CDK10: variants seen among roughly 807,000 people sequenced by gnomAD.
CDK10 encodes the protein cyclin dependent kinase 10, also known as cyclin-dependent kinase 10.
Under a neutral mutation model 51.0 loss-of-function variants are expected in CDK10, and 55 were observed. The ratio of observed to expected loss-of-function variants is 1.08; its 90% CI spans 0.87 to 1.35. The LOEUF is 1.35. CDK10 is among the 40% of genes most tolerant of loss of function. The pLI, the probability that CDK10 is intolerant of heterozygous loss-of-function variation, is 0.00. For synonymous variants in CDK10, 255 were observed against 199.1 expected, an observed-to-expected ratio of 1.28 and a Z score of -2.36; for missense variants, 589 against 485.1, an observed-to-expected ratio of 1.21 and a Z score of -2.01.
intron 5 of CDK10, chr16:89,692,114 G>A: frequency 1.7e-6 from 1 of 593,108 alleles, no homozygotes; most frequent in South Asian, 2.0e-5. Context: ...TGGTTTCCTG[G>A]GCTGTTGGGA....
intron 1 of CDK10, among the ~76,000 whole-genome samples, chr16:89,688,489 C>G (rs951898616): frequency 2.6e-5 from 4 of 152,184 alleles, no homozygotes; most frequent in Non-Finnish European, 4.4e-5. Flanking sequence ...CCCTAACATT[C>G]TGGAGAGAAG....
At chr16:89,690,438 G>T (rs2060392407) in intron 2 of CDK10, 115 bp from the exon 3 acceptor site, 1 of 819,294 alleles carries the variant, frequency 1.2e-6, no homozygotes, top group Non-Finnish European at 2.1e-6. Flanking sequence ...TGGGCATGAG[G>T]TTGTCAGAGG....
At position 89,693,748 on chromosome 16, in the gene CDK10, G is replaced by A. The variant is rs1246941743; in HGVS notation, c.608+281G>A. Reference sequence around the variant, plus strand: ...GTGGCCGTGAAACCATCTCTGGAGGGAAGGCTGCTTCACGGACTGAAGGAC... The same window carrying A: ...GTGGCCGTGAAACCATCTCTGGAGGAAAGGCTGCTTCACGGACTGAAGGAC... On this transcript the variant is annotated intron_variant, in intron 8 of 12. Coordinates refer to ENST00000353379, the MANE Select transcript of CDK10 (RefSeq NM_052988.5). The A allele has an allele frequency of 1.1e-5, 6 of 565,000 alleles. No homozygotes were observed. The East Asian group carries it at 1.2e-4, about 11-fold the overall frequency. The allele number at this position is 565,000 out of a possible 1,614,324, so 35.0% of individuals were successfully genotyped here. A position where few individuals can be genotyped will look rare whatever the true frequency, so the allele number is the denominator to read the frequency against.
At position 89,694,693 on chromosome 16, in the gene CDK10, C is replaced by G. The variant is rs1487755325; in HGVS notation, c.697C>G (p.Leu233Val). ...TGTGGGCTGCATACTGGCCGAGCTG[C>G]TGGCGCACAGGCCTCTTCTCCCCGG... The part of the protein sequence containing the change: ...WAVGCILAEL[L>V]AHRPLLPGTS... Residue 233 changes from leucine to valine, a missense_variant, in exon 10 of 13, where the codon CTG becomes GTG. Leu to Val is a conservative substitution (Grantham distance 32, BLOSUM62 1). Coordinates refer to ENST00000353379, the MANE Select transcript of CDK10 (RefSeq NM_052988.5). 2 of 1,588,878 alleles carry G rather than the reference C, an allele frequency of 1.3e-6. No homozygotes were observed. Among genetic ancestry groups the G allele is most frequent in the Admixed American group, 1.8e-5 (1 of 56,840 alleles).
intron 1 of CDK10, among the ~76,000 whole-genome samples, chr16:89,688,377 C>T (rs1012188169): frequency 3.9e-5 from 6 of 152,152 alleles, no homozygotes; most frequent in South Asian, 4.1e-4. Context: ...CCACTGCGCC[C>T]GGCTTACATG....
At chr16:89,687,604 C>T (rs1353928914) in intron 1 of CDK10, 6 of 445,028 alleles carry the variant, frequency 1.3e-5, no homozygotes, top group African/African-American at 1.0e-4. Context: ...AGCGCTCTCG[C>T]CCAGGCTGGA....
Position 89,693,474 on chromosome 16 carries a change from C to G in CDK10, c.608+7C>G. On this transcript the variant is annotated splice_region_variant and intron_variant, in intron 8 of 12. Transcript: ENST00000353379. ...CCAAGGTGGTCACTCTCTGGTAAGT[C>G]CTTCTGAAGCATGGTGGCCCCTGGG... The G allele has an allele frequency of 1.2e-6, 2 of 1,613,878 alleles. No homozygotes were observed. Among genetic ancestry groups the G allele is most frequent in the Middle Eastern group, 1.7e-4 (1 of 5,994 alleles).
At chr16:89,692,154 G>A in intron 5 of CDK10, 1 of 574,498 alleles carries the variant, frequency 1.7e-6, no homozygotes, top group Non-Finnish European at 3.1e-6. Flanking sequence ...AGAGCCTTCT[G>A]AGGGCACTGG....
intron 11 of CDK10, 61 bp from the exon 12 acceptor site, chr16:89,695,232 C>G: frequency 6.4e-7 from 1 of 1,562,876 alleles, no homozygotes; most frequent in East Asian, 2.3e-5. Flanking sequence ...GGCTGCTCAG[C>G]TGGGTGGGAG....
chr16:89,695,531 A>ACCTGGGC (rs1356016286), intron 12 of CDK10, 64 bp from the exon 13 acceptor site: 1 of 1,547,348 alleles, frequency 6.5e-7, no homozygotes, highest in Non-Finnish European at 8.8e-7. Context: ...CTGGACTCAG[A>ACCTGGGC]CCTGGGCCTG....
Position 89,692,043 on chromosome 16 carries a change from C to T in CDK10, c.417+156C>T, listed in dbSNP as rs892874554. 14 of 660,040 alleles carry T rather than the reference C, an allele frequency of 2.1e-5. No individual in the cohort carries two copies. In the Admixed American group the frequency reaches 3.0e-4, roughly 14 times the overall value. 40.9% of individuals were successfully genotyped at this position (660,040 alleles called of 1,614,324 possible). The stretch of plus-strand genomic sequence containing the variant: ...AGCGAGCTTCAGTGAGGTGGAATTC[C>T]TGTGGTGGGGGCATCTGCTGGGAGC... On this transcript the variant is annotated intron_variant, in intron 5 of 12. Coordinates refer to ENST00000353379, the MANE Select transcript of CDK10 (RefSeq NM_052988.5).
intron 1 of CDK10, among the ~76,000 whole-genome samples, chr16:89,688,059 C>T (rs1213521862): frequency 1.4e-5 from 2 of 142,812 alleles, no homozygotes; most frequent in Non-Finnish European, 3.0e-5. Context: ...TGTGAGGTTT[C>T]AAACCTTGCT....
chr16:89,691,962 G>T, intron 5 of CDK10, 75 bp downstream of exon 5: 1 of 1,243,248 alleles, frequency 8.0e-7, no homozygotes, highest in Non-Finnish European at 1.2e-6. Flanking sequence ...AACGAAACAG[G>T]GCACTTGGGG....
chr16:89,695,283 C>A lies in CDK10; in HGVS notation c.933-10C>A. 6.2e-7 allele frequency: 1 copy of A among 1,607,572 alleles called. No homozygotes were observed. Among genetic ancestry groups the A allele is most frequent in the South Asian group, 1.1e-5 (1 of 90,786 alleles). On this transcript the variant is annotated splice_polypyrimidine_tract_variant and intron_variant, in intron 11 of 12. Transcript: ENST00000353379. Reference sequence around the variant, plus strand: ...TCACAAGTCGCACTAACGCAGGCTGCCTCCTCCAGGGCGACGGCCGGGGAC... The same window carrying A: ...TCACAAGTCGCACTAACGCAGGCTGACTCCTCCAGGGCGACGGCCGGGGAC...
chr16:89,690,324 A>G (rs941813505), intron 2 of CDK10: 7 of 575,816 alleles, frequency 1.2e-5, no homozygotes, highest in Middle Eastern at 4.7e-4. Context: ...AGGGTCCAGC[A>G]CAGAGCAAAG....
chr16:89,686,743 C>T lies in CDK10; in HGVS notation c.33C>T (p.Ile11=), dbSNP rs780712675. 1.9e-6 allele frequency: 3 copies of T among 1,611,964 alleles called. No homozygotes were observed. Among genetic ancestry groups the T allele is most frequent in the Non-Finnish European group, 2.5e-6 (3 of 1,178,962 alleles). MAEPDLECEQ[I]RLKCIRKEGF... ...AGCCAGATCTGGAGTGCGAGCAGAT[C>T]CGTCTGAAGTGTATTCGTAAGGAGG... is the stretch of plus-strand genomic sequence containing the variant. Residue 11 remains isoleucine, a synonymous_variant, in exon 1 of 13, where the codon ATC becomes ATT. Transcript: ENST00000353379.
rs2060200404 is a variant in CDK10 at position 89,686,724 on chromosome 16, A to ATCTGGAGTGCGAGCAGATCCG, written c.19_39dup (p.Glu7_Leu13dup). On this transcript the variant is annotated inframe_insertion, in exon 1 of 13. Coordinates refer to ENST00000353379, the MANE Select transcript of CDK10 (RefSeq NM_052988.5). ...CCAGCGCTCGGCATGGCGGAGCCAG[A>ATCTGGAGTGCGAGCAGATCCG]TCTGGAGTGCGAGCAGATCCGTCTG... is the stretch of plus-strand genomic sequence containing the variant. 3 of 1,607,750 alleles carry ATCTGGAGTGCGAGCAGATCCG rather than the reference A, an allele frequency of 1.9e-6. No individual in the cohort carries two copies. Among genetic ancestry groups the ATCTGGAGTGCGAGCAGATCCG allele is most frequent in the African/African-American group, 2.7e-5 (2 of 74,724 alleles).
rs750444758 is a variant in CDK10, at chr16:89,695,339, C to T, written c.979C>T (p.Pro327Ser). The change falls in exon 12 of 13, where the codon CCC (proline) becomes TCC (serine). Residue 327 changes from proline to serine, a missense_variant. Transcript: ENST00000353379. ...GGAGAGCTCCTATTTCAAGGAGAAG[C>T]CCCTACGTGAGTGTGCAGGGTTCCT... ...CLESSYFKEK[P>S]LPCEPELMPT... The T allele has an allele frequency of 1.2e-6, 2 of 1,612,334 alleles. No homozygotes were observed. The highest frequency in any genetic ancestry group is 1.1e-5 in the South Asian group (1 of 91,000).
intron 1 of CDK10, among the ~76,000 whole-genome samples, chr16:89,688,894 A>G (rs1283677942): frequency 3.3e-5 from 5 of 152,186 alleles, no homozygotes; most frequent in Non-Finnish European, 1.5e-5. Flanking sequence ...TGAGGTCAGG[A>G]GCTCAAGACC....
Sources: allele counts gnomAD v4.1 joint callset (sites outside exome capture counted in the v4.1 genomes callset), GRCh38; gene constraint gnomAD v4.1.1; transcripts MANE v1.5; gene names NCBI Gene and HGNC (gene_info 2026-07-23, HGNC 2026-07-21).